The following PPEF1 variants were observed in gnomAD, a reference collection of about 807,000 sequenced individuals.
The protein encoded by PPEF1 is serine/threonine-protein phosphatase with EF-hands 1.
In PPEF1, 12 loss-of-function variants were observed where a neutral mutation model predicts 53.3. The ratio of observed to expected loss-of-function variants is 0.23; its 90% CI spans 0.14 to 0.36. PPEF1 has a LOEUF of 0.36. Ranked by LOEUF, PPEF1 falls within the 10% of genes least tolerant of loss-of-function variation. The pLI is 1.00. For missense variants in PPEF1, 334 were observed against 490.4 expected, an observed-to-expected ratio of 0.68 and a Z score of 3.01; for synonymous variants, 165 against 176.7, an observed-to-expected ratio of 0.93 and a Z score of 0.52.
At chrX:18,758,629 T>C (rs1421967436) in intron 5 of PPEF1, among the ~76,000 whole-genome samples, 10 of 111,389 alleles carry the variant, frequency 9.0e-5, no homozygotes, top group Non-Finnish European at 1.7e-4. Context: ...GCATCACGTC[T>C]CTGACTGGCA....
intron 6 of PPEF1, among the ~76,000 whole-genome samples, chrX:18,764,608 G>C (rs2045730647): frequency 9.0e-6 from 1 of 111,640 alleles, no homozygotes; most frequent in Non-Finnish European, 1.9e-5. Flanking sequence ...GATGGACAGG[G>C]GATGGGATTT....
Position 18,707,760 on chromosome X carries a change from C to T in PPEF1, c.-21C>T. On this transcript the variant is annotated 5_prime_UTR_variant, in exon 1 of 16. Transcript: ENST00000470157. ...AAATCAGAAGTTGAATTCATGAACA[C>T]ATATGATTTAGATAGAAGTCATGGG... is the stretch of plus-strand genomic sequence containing the variant. 8.3e-7 allele frequency: 1 copy of T among 1,201,807 alleles called. No individual in the cohort carries two copies. The highest frequency in any genetic ancestry group is 1.1e-6 in the Non-Finnish European group (1 of 886,766).
chrX:18,742,128 A>G (rs5909220), intron 3 of PPEF1, among the ~76,000 whole-genome samples: 45,247 of 109,648 alleles, frequency 0.41, 7,977 homozygotes, highest in Non-Finnish European at 0.56. Flanking sequence ...TCATCATTAC[A>G]TTTGTAAGAA....
chrX:18,735,871 T>A (rs187047824), intron 3 of PPEF1, among the ~76,000 whole-genome samples: 1 of 111,999 alleles, frequency 8.9e-6, no homozygotes, highest in East Asian at 2.8e-4. Context: ...TTCCTACGTA[T>A]TTTATTCTCT....
At chrX:18,802,246 G>A in intron 10 of PPEF1, among the ~76,000 whole-genome samples, 1 of 109,549 alleles carries the variant, frequency 9.1e-6, no homozygotes, top group East Asian at 2.9e-4. Flanking sequence ...TATTTTTTAA[G>A]TTTTTGTAGA....
At chrX:18,816,712 G>T (rs748264521) in intron 12 of PPEF1, among the ~76,000 whole-genome samples, 3 of 111,701 alleles carry the variant, frequency 2.7e-5, no homozygotes, top group African/African-American at 9.7e-5. Context: ...TTTGAGCTCT[G>T]TTGTTAGGTT....
intron 1 of PPEF1, among the ~76,000 whole-genome samples, chrX:18,711,078 A>ATG (rs201594258): frequency 4.0e-5 from 4 of 100,619 alleles, no homozygotes; most frequent in African/African-American, 1.1e-4. Context: ...ATGTATATAT[A>ATG]TGTGTGTGTG....
rs149770783 is a variant in PPEF1, at chrX:18,789,003, G to A, written c.913-118G>A. 119 of 878,447 alleles carry A rather than the reference G, an allele frequency of 1.4e-4. No individual in the cohort carries two copies. The African/African-American group carries it at 1.5e-3, about 11-fold the overall frequency. 72.4% of individuals were successfully genotyped at this position (878,447 alleles called of 1,213,427 possible). On this transcript the variant is annotated intron_variant, in intron 9 of 15. Coordinates refer to ENST00000470157, the MANE Select transcript of PPEF1 (RefSeq NM_001377996.1). The stretch of plus-strand genomic sequence containing the variant: ...GGTGGACGAGATGCAAAAAGTGACC[G>A]TGTGTTTTTCATTGGGTTGTGGCAC...
chrX:18,687,685 C>CTTTTTTT (rs370867326), intron 3 of PPEF1, among the ~76,000 whole-genome samples: 1 of 89,154 alleles, frequency 1.1e-5, no homozygotes, highest in Non-Finnish European at 2.1e-5. Flanking sequence ...AAATATTCTT[C>CTTTTTTT]TTTTTTTTTT....
chrX:18,787,701 C>G (rs2046405038), intron 9 of PPEF1, among the ~76,000 whole-genome samples: 1 of 104,504 alleles, frequency 9.6e-6, no homozygotes, highest in Admixed American at 1.1e-4. Context: ...GAGACGATCA[C>G]TTGAGACCAG....
intron 10 of PPEF1, among the ~76,000 whole-genome samples, chrX:18,797,662 T>C (rs1175276009): frequency 1.8e-5 from 2 of 110,959 alleles, no homozygotes; most frequent in Non-Finnish European, 3.8e-5. Flanking sequence ...AATACAGTAA[T>C]GAGTAAATGA....
intron 3 of PPEF1, among the ~76,000 whole-genome samples, chrX:18,737,036 C>T (rs1457154401): frequency 9.0e-6 from 1 of 111,230 alleles, no homozygotes; most frequent in Non-Finnish European, 1.9e-5. Context: ...CTTTATTAGT[C>T]TTGCTAGCAG....
chrX:18,700,257 G>GTT (rs1209665093), intron 5 of PPEF1: 2 of 104,861 alleles, frequency 1.9e-5, no homozygotes, highest in African/African-American at 7.5e-5. Flanking sequence ...GTGTGTGTGT[G>GTT]TGTGTGTGTG....
intron 3 of PPEF1, among the ~76,000 whole-genome samples, chrX:18,739,566 A>G (rs190315527): frequency 1.8e-5 from 2 of 112,095 alleles, no homozygotes; most frequent in Admixed American, 9.4e-5. Context: ...TCTCCCAGTT[A>G]GGCTACTCGG....
At chrX:18,806,636 G>T in intron 12 of PPEF1, 91 bp downstream of exon 12, 1 of 903,874 alleles carries the variant, frequency 1.1e-6, no homozygotes, top group Admixed American at 3.2e-5. Context: ...CGTGAGTGAA[G>T]AGAGTCATTT....
chrX:18,812,327 T>TTGTCTA (rs1179216926), intron 12 of PPEF1, among the ~76,000 whole-genome samples: 18 of 112,448 alleles, frequency 1.6e-4, no homozygotes, highest in African/African-American at 5.2e-4. Flanking sequence ...TGTATTCTAT[T>TTGTCTA]TGTCTATGTC....
At chrX:18,743,405 GTCAAGTTGCT>G (rs1482815816) in intron 3 of PPEF1, among the ~76,000 whole-genome samples, 1 of 104,329 alleles carries the variant, frequency 9.6e-6, no homozygotes, top group Non-Finnish European at 2.0e-5. Flanking sequence ...CCTTTGAGCA[GTCAAGTTGCT>G]CACTTTTTTT....
intron 1 of PPEF1, among the ~76,000 whole-genome samples, chrX:18,725,314 C>T (rs753261429): frequency 9.0e-5 from 10 of 111,534 alleles, no homozygotes; most frequent in African/African-American, 2.6e-4. Flanking sequence ...GGAATTATTC[C>T]GGTTGAGAAA....
rs557593698 is a variant in PPEF1 at position 18,726,351 on chromosome X, CAAATAAAT to C, written c.47-3793_47-3786del. ...CTGGGCTACAGACGAGACTCTGACT[CAAATAAAT>C]AAATAAATAAATAAATAAATAAATA... On this transcript the variant is annotated intron_variant, in intron 1 of 15. Transcript: ENST00000470157. Among the ~76,000 whole-genome samples, 303 of 94,760 alleles carry C rather than the reference CAAATAAAT, an allele frequency of 3.2e-3. 2 individuals are homozygous for C. Among genetic ancestry groups the C allele is most frequent in the South Asian group, 0.031 (61 of 1,974 alleles). The allele number at this position is 94,760 out of a possible 115,157, so 82.3% of individuals were successfully genotyped here.
Sources: gnomAD v4.1 joint callset for allele counts (sites outside exome capture counted in the v4.1 genomes callset) on GRCh38, gnomAD v4.1.1 for gene constraint, MANE v1.5 for transcripts, NCBI Gene and HGNC (gene_info 2026-07-23, HGNC 2026-07-21) for gene names.